PTPRD: variants seen among roughly 807,000 people sequenced by gnomAD.
PTPRD encodes protein tyrosine phosphatase receptor type D.
Under a neutral mutation model 214.5 loss-of-function variants are expected in PTPRD, and 34 were observed. That is an observed-to-expected ratio of 0.16 (90% CI 0.12 to 0.21). The LOEUF is 0.21. PTPRD is among the 10% of genes least tolerant of loss of function. PTPRD has a pLI of 1.00. For synonymous variants in PTPRD, 1,128 were observed against 845.7 expected, an observed-to-expected ratio of 1.33 and a Z score of -5.79; for missense variants, 2,545 against 2,398.7, an observed-to-expected ratio of 1.06 and a Z score of -1.27.
At chr9:10,154,856 A>T (rs886382885) in intron 3 of PTPRD, among the ~76,000 whole-genome samples, 3 of 152,056 alleles carry the variant, frequency 2.0e-5, no homozygotes, top group Non-Finnish European at 4.4e-5. Context: ...GTAGCCCTGT[A>T]ACATAATTTG....
At chr9:8,496,196 AC>A (rs1474735834) in intron 26 of PTPRD, among the ~76,000 whole-genome samples, 6 of 146,600 alleles carry the variant, frequency 4.1e-5, no homozygotes, top group Non-Finnish European at 7.5e-5. Flanking sequence ...ACACACACAC[AC>A]ACACACACAC....
At chr9:9,002,151 C>T (rs927337896) in intron 11 of PTPRD, among the ~76,000 whole-genome samples, 1 of 151,802 alleles carries the variant, frequency 6.6e-6, no homozygotes, top group Non-Finnish European at 1.5e-5. Context: ...TACCTTATAC[C>T]ATATATTATC....
intron 4 of PTPRD, among the ~76,000 whole-genome samples, chr9:9,998,331 C>CTGT (rs1326494999): frequency 6.6e-6 from 1 of 151,016 alleles, no homozygotes; most frequent in East Asian, 2.0e-4. Flanking sequence ...GCAGCTCAAA[C>CTGT]TGCCATTATA....
At chr9:9,960,282 G>A (rs2094266497) in intron 4 of PTPRD, among the ~76,000 whole-genome samples, 1 of 150,122 alleles carries the variant, frequency 6.7e-6, no homozygotes, top group South Asian at 2.1e-4. Context: ...AGCTCCCAAT[G>A]GCCAAAGCTA....
chr9:9,485,158 C>G (rs1194174923), intron 8 of PTPRD, among the ~76,000 whole-genome samples: 1 of 152,142 alleles, frequency 6.6e-6, no homozygotes, highest in Non-Finnish European at 1.5e-5. Context: ...TAAAAATAAT[C>G]TATAATACAT....
chr9:8,724,638 C>G (rs572061597), intron 12 of PTPRD, among the ~76,000 whole-genome samples: 2 of 152,220 alleles, frequency 1.3e-5, no homozygotes, highest in East Asian at 3.9e-4. Context: ...TACCCAGTCT[C>G]CACCACTTAG....
intron 4 of PTPRD, among the ~76,000 whole-genome samples, chr9:9,998,956 A>G (rs532943986): frequency 2.6e-5 from 4 of 152,204 alleles, no homozygotes; most frequent in Non-Finnish European, 4.4e-5. Flanking sequence ...TTTTCCTTCT[A>G]TAAGAAATAG....
At position 8,412,198 on chromosome 9, in the gene PTPRD, G is replaced by A. The variant is rs531846295; in HGVS notation, c.4087-7538C>T. ...GAGGCAGGAAGACTTCTTGAGCCCT[G>A]GAGTTTGAGTCCAGCCTGGGCAACA... On this transcript the variant is annotated intron_variant, in intron 35 of 45. Transcript: ENST00000381196. 4.6e-5 allele frequency among the ~76,000 whole-genome samples: 7 copies of A among 152,164 alleles called. No homozygotes were observed. In the South Asian group the frequency reaches 1.2e-3, roughly 27 times the overall value.
intron 14 of PTPRD, among the ~76,000 whole-genome samples, chr9:8,618,914 GTTTTT>G (rs554282961): frequency 1.3e-4 from 9 of 67,834 alleles, no homozygotes; most frequent in African/African-American, 3.3e-4. Context: ...GTGTTTTTTT[GTTTTT>G]TTTTTTTTTT....
At chr9:9,760,142 T>C (rs1042456876) in intron 6 of PTPRD, among the ~76,000 whole-genome samples, 1 of 152,190 alleles carries the variant, frequency 6.6e-6, no homozygotes, top group Non-Finnish European at 1.5e-5. Flanking sequence ...TATTTCTGTG[T>C]GTAATCTGAG....
intron 7 of PTPRD, among the ~76,000 whole-genome samples, chr9:9,657,159 C>G (rs776201257): frequency 5.9e-5 from 9 of 151,946 alleles, no homozygotes; most frequent in Admixed American, 2.6e-4. Flanking sequence ...GGATCCTCCA[C>G]CTGTGTCATG....
chr9:9,174,053 TA>T (rs1440068583), intron 10 of PTPRD, among the ~76,000 whole-genome samples: 2 of 152,154 alleles, frequency 1.3e-5, no homozygotes, highest in African/African-American at 4.8e-5. Flanking sequence ...TAAGTATCTT[TA>T]AAAAATACTA....
At chr9:9,920,685 TAAG>T (rs749886162) in intron 5 of PTPRD, among the ~76,000 whole-genome samples, 11 of 152,134 alleles carry the variant, frequency 7.2e-5, no homozygotes, top group East Asian at 1.9e-4. Flanking sequence ...CTCAGTTGAA[TAAG>T]AAGGAGTTAA....
intron 34 of PTPRD, among the ~76,000 whole-genome samples, chr9:8,441,416 C>T (rs1012960180): frequency 1.3e-5 from 2 of 151,990 alleles, no homozygotes; most frequent in Non-Finnish European, 2.9e-5. Flanking sequence ...TTTCAACAGC[C>T]ACTCAAAATC....
rs561444936 is a variant in PTPRD, at chr9:8,905,502, G to T, written c.-104+113195C>A. ...ATCTGTAATCCCAATACATTGGGAG[G>T]TTGAGGCGGGCGGATTACCTGAGGT... On this transcript the variant is annotated intron_variant, in intron 11 of 45. Transcript: ENST00000381196. Among the ~76,000 whole-genome samples, 147 of 152,150 alleles carry T rather than the reference G, an allele frequency of 9.7e-4. 1 individual carries two copies. Among genetic ancestry groups the T allele is most frequent in the African/African-American group, 3.5e-3 (144 of 41,480 alleles).
At chr9:9,367,149 T>G (rs1033706075) in intron 9 of PTPRD, among the ~76,000 whole-genome samples, 1 of 151,530 alleles carries the variant, frequency 6.6e-6, no homozygotes, top group African/African-American at 2.4e-5. Context: ...GTTATTTATA[T>G]TTATACATAT....
intron 12 of PTPRD, among the ~76,000 whole-genome samples, chr9:8,706,128 C>T (rs2098201808): frequency 6.6e-6 from 1 of 152,166 alleles, no homozygotes; most frequent in Admixed American, 6.5e-5. Context: ...AATTTTATTA[C>T]TTCCACAATT....
intron 36 of PTPRD, among the ~76,000 whole-genome samples, chr9:8,397,370 G>A (rs2091435411): frequency 6.6e-6 from 1 of 152,136 alleles, no homozygotes; most frequent in African/African-American, 2.4e-5. Flanking sequence ...TTGTTTTGAT[G>A]TTAGAACTTC....
chr9:8,895,687 T>C (rs1368680), intron 11 of PTPRD, among the ~76,000 whole-genome samples: 96,135 of 152,028 alleles, frequency 0.63, 31,110 homozygotes, highest in East Asian at 0.82. Context: ...CACTTCAGCA[T>C]GTCACACTTG....
Sources: allele counts gnomAD v4.1 joint callset (sites outside exome capture counted in the v4.1 genomes callset), GRCh38; gene constraint gnomAD v4.1.1; transcripts MANE v1.5; gene names NCBI Gene and HGNC (gene_info 2026-07-23, HGNC 2026-07-21).